Variants in DENND5A observed in about 807,000 individuals in gnomAD.
The protein encoded by DENND5A is DENN domain-containing protein 5A.
In DENND5A, 64 loss-of-function variants were observed where a neutral mutation model predicts 140.3. The observed-to-expected ratio is 0.46, with a 90% CI of 0.37 to 0.56. DENND5A has a LOEUF of 0.56. Ranked by LOEUF, DENND5A falls within the 20% of genes least tolerant of loss-of-function variation. The probability of loss-of-function intolerance (pLI) is 0.00; values close to 1 mark genes in which losing one functional copy is unlikely to be tolerated. For missense variants in DENND5A, 1,292 were observed against 1,593.8 expected (o/e 0.81, Z 3.22); for synonymous variants, 605 against 607.7 (o/e 1.00, Z 0.07).
chr11:9,206,150 G>A (rs1436966752), intron 3 of DENND5A, among the ~76,000 whole-genome samples: 2 of 152,174 alleles, frequency 1.3e-5, no homozygotes, highest in Non-Finnish European at 2.9e-5. Flanking sequence ...TTATTAGAGT[G>A]CCTAGCACAA....
chr11:9,164,657 A>C (rs1252147877), intron 11 of DENND5A, among the ~76,000 whole-genome samples: 1 of 152,196 alleles, frequency 6.6e-6, no homozygotes, highest in Non-Finnish European at 1.5e-5. Flanking sequence ...CAAACAATCT[A>C]AGCTTAAACG....
chr11:9,258,293 C>T (rs569698152), intron 1 of DENND5A, among the ~76,000 whole-genome samples: 44 of 107,204 alleles, frequency 4.1e-4, no homozygotes, highest in Admixed American at 5.7e-4. Flanking sequence ...ACCCCCCCAA[C>T]AGGCCCCAGT....
At chr11:9,178,103 C>T (rs60693427) in intron 8 of DENND5A, 29 bp downstream of exon 8, 414,858 of 1,454,384 alleles carry the variant, frequency 0.29, 63,553 homozygotes, top group African/African-American at 0.45. Flanking sequence ...TCCAAGAGGC[C>T]TGAATGTACA....
chr11:9,237,156 C>T (rs1227861796), intron 1 of DENND5A, among the ~76,000 whole-genome samples: 1 of 152,208 alleles, frequency 6.6e-6, no homozygotes, highest in Non-Finnish European at 1.5e-5. Flanking sequence ...GTGGCTCACG[C>T]CTGTAATCCC....
chr11:9,258,416 G>A (rs895617744), intron 1 of DENND5A, among the ~76,000 whole-genome samples: 3 of 151,890 alleles, frequency 2.0e-5, no homozygotes, highest in African/African-American at 4.8e-5. Flanking sequence ...TGAGAATGAC[G>A]GTTTCCAGCT....
At chr11:9,177,973 G>A (rs1348815463) in intron 8 of DENND5A, 159 bp downstream of exon 8, 7 of 664,934 alleles carry the variant, frequency 1.1e-5, no homozygotes, top group Non-Finnish European at 1.9e-5. Flanking sequence ...ATGAGAAGAA[G>A]ATAACCAGGC....
intron 1 of DENND5A, among the ~76,000 whole-genome samples, chr11:9,235,834 G>A (rs943905790): frequency 2.0e-5 from 3 of 152,124 alleles, no homozygotes; most frequent in Admixed American, 6.6e-5. Flanking sequence ...GAAATGAGAA[G>A]TAACTGTTTA....
chr11:9,185,765 T>C (rs1848891146), intron 5 of DENND5A, among the ~76,000 whole-genome samples: 1 of 152,184 alleles, frequency 6.6e-6, no homozygotes, highest in Admixed American at 6.5e-5. Context: ...ATGTGTGGTC[T>C]GCGTCTGTGT....
chr11:9,242,569 T>G (rs899138603), intron 1 of DENND5A: 6 of 152,220 alleles, frequency 3.9e-5, no homozygotes, highest in Admixed American at 3.3e-4. Context: ...TCTTGCTTTA[T>G]AGTCTCGGGC....
At chr11:9,258,829 T>A (rs1852066122) in intron 1 of DENND5A, among the ~76,000 whole-genome samples, 1 of 152,244 alleles carries the variant, frequency 6.6e-6, no homozygotes, top group African/African-American at 2.4e-5. Flanking sequence ...AAGGGTGCTT[T>A]CATGTTAACA....
chr11:9,252,171 G>A (rs541674593), intron 1 of DENND5A, among the ~76,000 whole-genome samples: 17 of 137,728 alleles, frequency 1.2e-4, no homozygotes, highest in Non-Finnish European at 1.3e-4. Flanking sequence ...GGTAGCACGC[G>A]CCTGTAGTCC....
At chr11:9,254,558 T>C (rs1033992971) in intron 1 of DENND5A, among the ~76,000 whole-genome samples, 2 of 152,154 alleles carry the variant, frequency 1.3e-5, no homozygotes, top group Non-Finnish European at 2.9e-5. Flanking sequence ...CCATAAGATT[T>C]TGAGTTTTGC....
chr11:9,150,755 A>G lies in DENND5A; in HGVS notation c.2531T>C (p.Leu844Pro). The G allele has an allele frequency of 1.2e-6, 2 of 1,612,030 alleles. No homozygotes were observed. Among genetic ancestry groups the G allele is most frequent in the Non-Finnish European group, 1.7e-6 (2 of 1,178,484 alleles). ...ATCAGACTTCCTACGTTCTGAATCAAGAAGTATTCCTAGAATAAACAAGTT... is the reference window on the plus strand; with the variant it reads ...ATCAGACTTCCTACGTTCTGAATCAGGAAGTATTCCTAGAATAAACAAGTT... ...SGSLSTSGIL[L>P]DSERRKSDAS... Residue 844 changes from leucine (L) to proline (P), a missense_variant, in exon 14 of 23, where the codon CTT becomes CCT. Physicochemically the swap from Leu to Pro is moderately conservative, Grantham distance 98. Coordinates refer to ENST00000328194, the MANE Select transcript of DENND5A (RefSeq NM_015213.4).
At chr11:9,261,126 C>A (rs778213686) in intron 1 of DENND5A, among the ~76,000 whole-genome samples, 12 of 152,192 alleles carry the variant, frequency 7.9e-5, no homozygotes, top group Non-Finnish European at 1.6e-4. Context: ...ACTGGGATTA[C>A]AGGTGTGAGC....
intron 1 of DENND5A, among the ~76,000 whole-genome samples, chr11:9,252,217 GA>G: frequency 7.0e-6 from 1 of 142,982 alleles, no homozygotes; most frequent in South Asian, 2.2e-4. Flanking sequence ...AGAATCGCTT[GA>G]ACCCGGGAGG....
chr11:9,265,183 T>C lies in DENND5A; in HGVS notation c.-114A>G. The C allele has an allele frequency of 2.1e-6, 1 of 475,234 alleles. No homozygotes were observed. Among genetic ancestry groups the C allele is most frequent in the Non-Finnish European group, 2.8e-6 (1 of 363,192 alleles). The allele number at this position is 475,234 out of a possible 1,614,324, so 29.4% of individuals were successfully genotyped here. A position where few individuals can be genotyped will look rare whatever the true frequency, so the allele number is the denominator to read the frequency against. ...CTCCCGCCGCCGCCGCTACCGCGGC[T>C]CGGGCCGCCGCCCCCGGCCCTGGCC... On this transcript the variant is annotated 5_prime_UTR_variant, in exon 1 of 23. Coordinates refer to ENST00000328194, the MANE Select transcript of DENND5A (RefSeq NM_015213.4). The surrounding 1 kb of genome is among the most constrained non-coding windows in gnomAD (Gnocchi z 4.7).
chr11:9,196,574 A>G (rs1849336517), intron 4 of DENND5A, among the ~76,000 whole-genome samples: 1 of 152,072 alleles, frequency 6.6e-6, no homozygotes, highest in Non-Finnish European at 1.5e-5. Context: ...CCTTCATTTT[A>G]CACTCCTGAA....
chr11:9,199,436 T>C (rs1421456684), intron 4 of DENND5A, among the ~76,000 whole-genome samples: 1 of 152,148 alleles, frequency 6.6e-6, no homozygotes, highest in East Asian at 1.9e-4. Flanking sequence ...AGGTCAAGGC[T>C]GCAGTGAGTC....
intron 5 of DENND5A, among the ~76,000 whole-genome samples, chr11:9,185,683 T>C (rs1848887401): frequency 6.6e-6 from 1 of 152,172 alleles, no homozygotes; most frequent in Admixed American, 6.6e-5. Context: ...TATATGTGTC[T>C]GTGTGTGCTT....
Sources: allele counts gnomAD v4.1 joint callset (sites outside exome capture counted in the v4.1 genomes callset), GRCh38; gene constraint gnomAD v4.1.1; non-coding constraint Gnocchi (gnomAD v3.1); transcripts MANE v1.5; gene names NCBI Gene and HGNC (gene_info 2026-07-23, HGNC 2026-07-21).